Variants in AK8 observed in about 807,000 individuals in gnomAD.
AK8 encodes the protein ATP-AMP transphosphorylase 8.
Under a neutral mutation model 54.6 loss-of-function variants are expected in AK8, and 44 were observed. That is an observed-to-expected ratio of 0.81 (90% CI 0.63 to 1.04). The LOEUF is 1.04. Among genes scored for constraint, AK8 ranks in the 50% least tolerant of loss-of-function variants. AK8 has a pLI of 0.00. For synonymous variants in AK8, 239 were observed against 245.6 expected (o/e 0.97, Z 0.25); for missense variants, 555 against 613.6 (o/e 0.90, Z 1.01).
intron 10 of AK8, among the ~76,000 whole-genome samples, chr9:132,811,316 C>T (rs1027140855): frequency 1.3e-5 from 2 of 152,136 alleles, no homozygotes; most frequent in African/African-American, 4.8e-5. Context: ...TCTGGGTCAT[C>T]CCAAGGGTCC....
chr9:132,733,699 G>A (rs1223666180), intron 11 of AK8, among the ~76,000 whole-genome samples: 2 of 152,228 alleles, frequency 1.3e-5, no homozygotes, highest in Admixed American at 1.3e-4. Flanking sequence ...CCCAGGCCAC[G>A]CTGCTGAGAG....
chr9:132,820,635 G>A (rs919110708), intron 9 of AK8, among the ~76,000 whole-genome samples: 5 of 152,240 alleles, frequency 3.3e-5, no homozygotes, highest in African/African-American at 1.2e-4. Flanking sequence ...TTAACCAACA[G>A]TGGCTTTCGC....
intron 8 of AK8, among the ~76,000 whole-genome samples, chr9:132,824,604 C>T (rs1163736062): frequency 6.6e-6 from 1 of 152,232 alleles, no homozygotes; most frequent in African/African-American, 2.4e-5. Context: ...AGCACAACCG[C>T]AAGGTATGAC....
intron 11 of AK8, among the ~76,000 whole-genome samples, chr9:132,737,118 A>G (rs1245279908): frequency 6.6e-6 from 1 of 152,142 alleles, no homozygotes; most frequent in Non-Finnish European, 1.5e-5. Flanking sequence ...AAAGATGGTC[A>G]AAATAGTAAA....
In AK8 at chr9:132,727,454, C is replaced by T. The variant is rs1342211784; in HGVS notation, c.1202G>A (p.Arg401Lys). ...CAACCACCAGGAACACAGCACAAAC[C>T]TTTCCCCAGTGACTGGATCAATTCT... is the stretch of plus-strand genomic sequence containing the variant. Reference protein sequence around the residue: ...LRRIDPVTGERYHLMYKPPPT... With the variant: ...LRRIDPVTGEKYHLMYKPPPT... The change falls in exon 12 of 13, where the codon AGG becomes AAG. Residue 401 changes from arginine to lysine, a missense_variant and splice_region_variant. Arg to Lys is a conservative substitution (Grantham distance 26). Transcript: ENST00000298545. The T allele has an allele frequency of 5.6e-6, 9 of 1,614,040 alleles. No homozygotes were observed. The highest frequency in any genetic ancestry group is 7.6e-6 in the Non-Finnish European group (9 of 1,179,990).
chr9:132,804,310 C>A (rs546881637), intron 10 of AK8, among the ~76,000 whole-genome samples: 2 of 152,142 alleles, frequency 1.3e-5, no homozygotes, highest in Non-Finnish European at 2.9e-5. Flanking sequence ...CCTGCGGGAG[C>A]TGACTCCTCA....
At chr9:132,845,933 C>T (rs1006620377) in intron 5 of AK8, among the ~76,000 whole-genome samples, 1 of 152,060 alleles carries the variant, frequency 6.6e-6, no homozygotes, top group East Asian at 1.9e-4. Context: ...TCTGTCCAGG[C>T]AGCTGGATCC....
intron 5 of AK8, among the ~76,000 whole-genome samples, chr9:132,841,371 C>T (rs1248579830): frequency 6.6e-6 from 1 of 152,260 alleles, no homozygotes; most frequent in Non-Finnish European, 1.5e-5. Context: ...ATTCTCCGCA[C>T]ATGACGAGCC....
At chr9:132,847,101 G>A (rs967610567) in intron 5 of AK8, among the ~76,000 whole-genome samples, 40 of 152,246 alleles carry the variant, frequency 2.6e-4, no homozygotes, top group African/African-American at 9.4e-4. Flanking sequence ...GGCTTCTGCT[G>A]CACTAAGGCA....
At chr9:132,743,032 G>T (rs1259100077) in intron 11 of AK8, among the ~76,000 whole-genome samples, 1 of 152,218 alleles carries the variant, frequency 6.6e-6, no homozygotes, top group Non-Finnish European at 1.5e-5. Context: ...GGGGGGCCTG[G>T]CCTCCCACTG....
chr9:132,807,091 TG>T (rs1688361156), intron 10 of AK8, among the ~76,000 whole-genome samples: 1 of 152,092 alleles, frequency 6.6e-6, no homozygotes, highest in South Asian at 2.1e-4. Context: ...ATTAAATAGC[TG>T]TCTTCCCTCC....
chr9:132,866,125 G>C (rs1377524815), intron 3 of AK8, among the ~76,000 whole-genome samples: 2 of 152,186 alleles, frequency 1.3e-5, no homozygotes, highest in Admixed American at 6.5e-5. Context: ...TTGAACCTAG[G>C]AGGCAGAGGT....
At chr9:132,735,285 C>G (rs1279958611) in intron 11 of AK8, among the ~76,000 whole-genome samples, 5 of 152,182 alleles carry the variant, frequency 3.3e-5, no homozygotes, top group African/African-American at 7.2e-5. Flanking sequence ...CCTCAATGAC[C>G]TTGAAGCTCA....
chr9:132,807,642 T>A lies in AK8; in HGVS notation c.979+6996A>T, dbSNP rs117329152. Among the ~76,000 whole-genome samples, 1,304 of 152,200 alleles carry A rather than the reference T, an allele frequency of 8.6e-3. 11 individuals are homozygous for A. The highest frequency in any genetic ancestry group is 0.015 in the Non-Finnish European group (1,000 of 67,998). On this transcript the variant is annotated intron_variant, in intron 10 of 12. Transcript: ENST00000298545. ...AGTAGGTTATATCCACCATCAACAG[T>A]CCCTGGACCCTAATTTATGGCTAAA...
chr9:132,864,710 A>T (rs1424209966), intron 3 of AK8, among the ~76,000 whole-genome samples: 1 of 152,200 alleles, frequency 6.6e-6, no homozygotes, highest in Non-Finnish European at 1.5e-5. Flanking sequence ...CCAGGGCCTG[A>T]CCTCGACAGA....
At chr9:132,877,560 G>A (rs921339994) in intron 1 of AK8, among the ~76,000 whole-genome samples, 1 of 152,232 alleles carries the variant, frequency 6.6e-6, no homozygotes, top group African/African-American at 2.4e-5. Flanking sequence ...CCCTGGCGGG[G>A]ACGGGGCCTC....
intron 11 of AK8, among the ~76,000 whole-genome samples, chr9:132,785,784 T>A (rs749576435): frequency 6.6e-6 from 1 of 152,258 alleles, no homozygotes; most frequent in Non-Finnish European, 1.5e-5. Context: ...AGAGCTTCCA[T>A]ATAGCTTTTT....
In AK8 at chr9:132,748,317, A is replaced by AT. The variant is rs976200962; in HGVS notation, c.1122-20784dup. On this transcript the variant is annotated intron_variant, in intron 11 of 12. Coordinates refer to ENST00000298545, the MANE Select transcript of AK8 (RefSeq NM_152572.3). ...CTCTCAGTCTCTTATCAAACCCCCC[A>AT]TATCACTGTGGAATCAGAACTTCAT... Among the ~76,000 whole-genome samples the AT allele has an allele frequency of 1.3e-3, 197 of 151,908 alleles. 1 individual carries two copies. The highest frequency in any genetic ancestry group is 4.6e-3 in the African/African-American group (189 of 41,510).
rs1843332988 is a variant in AK8 at position 132,860,271 on chromosome 9, C to G, written c.333+3394G>C. ...ACCATCTCCTCGGCGAGATTTATAA[C>G]TCTGGCTGGCCTGGTGGAATCCTCA... On this transcript the variant is annotated intron_variant, in intron 4 of 12. Transcript: ENST00000298545. The surrounding 1 kb of genome is among the most constrained non-coding windows in gnomAD (Gnocchi z 4.4). 7.5e-6 allele frequency among the ~76,000 whole-genome samples: 1 copy of G among 132,860 alleles called. No individual in the cohort carries two copies. The highest frequency in any genetic ancestry group is 3.3e-5 in the African/African-American group (1 of 30,680). The allele number at this position is 132,860 out of a possible 152,430, so 87.2% of individuals were successfully genotyped here. A position where few individuals can be genotyped will look rare whatever the true frequency, so the allele number is the denominator to read the frequency against.
Sources: gnomAD v4.1 joint callset for allele counts (sites outside exome capture counted in the v4.1 genomes callset) on GRCh38, gnomAD v4.1.1 for gene constraint, Gnocchi (gnomAD v3.1) non-coding constraint, MANE v1.5 for transcripts, NCBI Gene and HGNC (gene_info 2026-07-23, HGNC 2026-07-21) for gene names.